PRH1: variants seen among roughly 807,000 people sequenced by gnomAD.
The protein encoded by PRH1 is salivary acidic proline-rich phosphoprotein 1/2.
Under a neutral mutation model 7.9 loss-of-function variants are expected in PRH1, and 7 were observed. The ratio of observed to expected loss-of-function variants is 0.89; its 90% CI spans 0.50 to 1.67. The LOEUF (loss-of-function observed/expected upper bound fraction) is 1.67, where lower values mean the gene tolerates loss of function less well. Among genes scored for constraint, PRH1 ranks in the 40% most tolerant of loss-of-function variants. The probability of loss-of-function intolerance (pLI) is 0.00; values close to 1 mark genes in which losing one functional copy is unlikely to be tolerated. For missense variants in PRH1, 109 were observed against 223.6 expected, an observed-to-expected ratio of 0.49 and a Z score of 3.27; for synonymous variants, 45 against 80.8, an observed-to-expected ratio of 0.56 and a Z score of 2.38.
intron 1 of PRH1, among the ~76,000 whole-genome samples, chr12:11,123,259 T>G (rs1357436638): frequency 1.3e-5 from 2 of 152,306 alleles, no homozygotes; most frequent in Non-Finnish European, 2.9e-5. Context: ...GGCAGCTTAT[T>G]TTTGAGCTAT....
intron 1 of PRH1, among the ~76,000 whole-genome samples, chr12:11,036,934 G>A (rs1942453154): frequency 1.3e-5 from 2 of 152,178 alleles, no homozygotes; most frequent in Non-Finnish European, 2.9e-5. Context: ...CGTGATGAGA[G>A]AACACTACTA....
At chr12:11,071,249 G>A (rs1347780641) in intron 1 of PRH1, among the ~76,000 whole-genome samples, 9 of 151,590 alleles carry the variant, frequency 5.9e-5, no homozygotes, top group African/African-American at 2.2e-4. Flanking sequence ...ATTACCTAAG[G>A]ACTTTCATCC....
At chr12:10,928,998 A>T (rs1451532564) in intron 2 of PRH1, among the ~76,000 whole-genome samples, 1 of 152,216 alleles carries the variant, frequency 6.6e-6, no homozygotes, top group African/African-American at 2.4e-5. Context: ...TTGCTTGGAC[A>T]CAGTTCCGTC....
chr12:10,893,982 C>T (rs536520799), intron 2 of PRH1, among the ~76,000 whole-genome samples: 4 of 152,178 alleles, frequency 2.6e-5, no homozygotes, highest in South Asian at 2.1e-4. Context: ...TTATTAAATT[C>T]AATTCTGTAA....
At chr12:11,129,885 A>G (rs1270323646) in intron 1 of PRH1, among the ~76,000 whole-genome samples, 1 of 152,278 alleles carries the variant, frequency 6.6e-6, no homozygotes, top group Non-Finnish European at 1.5e-5. Context: ...GCCCTGTGGC[A>G]TATGACTGTA....
chr12:11,062,727 C>T (rs1943666183), intron 1 of PRH1, among the ~76,000 whole-genome samples: 1 of 152,034 alleles, frequency 6.6e-6, no homozygotes, highest in Non-Finnish European at 1.5e-5. Flanking sequence ...TAACCCAATA[C>T]AGAGATCATA....
At chr12:10,973,580 C>T (rs1938935687) in intron 2 of PRH1, 2 of 714,474 alleles carry the variant, frequency 2.8e-6, no homozygotes, top group South Asian at 1.5e-5. Flanking sequence ...GCAATTTCAC[C>T]TGTCTGATAC....
chr12:11,079,891 TA>T (rs1944442220), intron 1 of PRH1, among the ~76,000 whole-genome samples: 1 of 117,100 alleles, frequency 8.5e-6, no homozygotes, highest in African/African-American at 2.9e-5. Context: ...AGAGTAATAA[TA>T]ATTTTCATGG....
intron 2 of PRH1, among the ~76,000 whole-genome samples, chr12:10,931,356 T>C (rs552931060): frequency 4.6e-5 from 7 of 152,296 alleles, no homozygotes; most frequent in Middle Eastern, 3.4e-3. Flanking sequence ...CCTTTGGCAC[T>C]CTGTTTCCTT....
intron 1 of PRH1, among the ~76,000 whole-genome samples, chr12:10,974,513 GA>G (rs1938995445): frequency 1.3e-5 from 2 of 152,110 alleles, no homozygotes; most frequent in South Asian, 4.1e-4. Context: ...TTCAGCGCGG[GA>G]GTGCTGAGCT....
intron 2 of PRH1, chr12:10,964,764 G>A: frequency 1.5e-6 from 1 of 651,472 alleles, no homozygotes; most frequent in Non-Finnish European, 2.7e-6. Context: ...CAGATTAAGA[G>A]CAGAAAAGAT....
chr12:11,115,306 G>C (rs532982005), intron 1 of PRH1, among the ~76,000 whole-genome samples: 1 of 151,982 alleles, frequency 6.6e-6, no homozygotes, highest in African/African-American at 2.4e-5. Context: ...GGAGATAAAG[G>C]TCACCATATA....
chr12:11,136,088 AC>A (rs1946542663), intron 1 of PRH1, among the ~76,000 whole-genome samples: 1 of 151,990 alleles, frequency 6.6e-6, no homozygotes, highest in Non-Finnish European at 1.5e-5. Context: ...AACCCCCTAA[AC>A]CCTTCTTCAC....
intron 2 of PRH1, among the ~76,000 whole-genome samples, chr12:10,971,521 A>G (rs1938814183): frequency 6.6e-6 from 1 of 152,132 alleles, no homozygotes; most frequent in East Asian, 1.9e-4. Context: ...ACTGATAGAC[A>G]TTTGAGAAAC....
intron 1 of PRH1, among the ~76,000 whole-genome samples, chr12:11,106,548 TAAA>T (rs1393805401): frequency 6.6e-6 from 1 of 152,184 alleles, no homozygotes; most frequent in African/African-American, 2.4e-5. Context: ...GTGGGCTACT[TAAA>T]AAACACGTTT....
chr12:11,067,369 A>T (rs1346156198), intron 1 of PRH1, among the ~76,000 whole-genome samples: 1 of 152,188 alleles, frequency 6.6e-6, no homozygotes, highest in African/African-American at 2.4e-5. Context: ...TTTAACCTCC[A>T]TCATACTATA....
At chr12:10,944,570 C>T (rs559748533) in intron 2 of PRH1, among the ~76,000 whole-genome samples, 1 of 152,098 alleles carries the variant, frequency 6.6e-6, no homozygotes, top group African/African-American at 2.4e-5. Context: ...TACCTGATTG[C>T]TCTGGCCAGG....
chr12:11,094,749 T>C (rs2136271118), intron 1 of PRH1, among the ~76,000 whole-genome samples: 1 of 115,570 alleles, frequency 8.7e-6, no homozygotes, highest in Non-Finnish European at 2.0e-5. Context: ...AAAGTTATAA[T>C]GCGCACTTAG....
At chr12:10,923,408 C>T (rs142013839) in intron 2 of PRH1, among the ~76,000 whole-genome samples, 2 of 152,188 alleles carry the variant, frequency 1.3e-5, no homozygotes, top group Admixed American at 6.5e-5. Context: ...GAATTACAGG[C>T]GTGAGCCAAC....
Sources: gnomAD v4.1 joint callset for allele counts (sites outside exome capture counted in the v4.1 genomes callset) on GRCh38, gnomAD v4.1.1 for gene constraint, MANE v1.5 for transcripts, NCBI Gene and HGNC (gene_info 2026-07-23, HGNC 2026-07-21) for gene names.